Variants in LEMD3 observed in about 807,000 individuals in gnomAD.
The protein encoded by LEMD3 is LEM domain containing 3.
LEMD3 carries 33 observed loss-of-function variants against 95.2 expected under a neutral mutation model. That is an observed-to-expected ratio of 0.35 (90% CI 0.26 to 0.46). The LOEUF (loss-of-function observed/expected upper bound fraction) is 0.46. Ranked by LOEUF, LEMD3 falls within the 20% of genes least tolerant of loss-of-function variation. LEMD3 has a pLI of 1.00. For missense variants in LEMD3, 1,210 were observed against 1,192.8 expected (o/e 1.01, Z -0.21); for synonymous variants, 525 against 474.6 (o/e 1.11, Z -1.38).
At chr12:65,189,152 T>TA (rs1869159911) in intron 1 of LEMD3, among the ~76,000 whole-genome samples, 1 of 152,208 alleles carries the variant, frequency 6.6e-6, no homozygotes, top group African/African-American at 2.4e-5. Context: ...GTTATGCGAA[T>TA]ATGGTCTCTC....
chr12:65,200,416 T>G (rs1400253722), intron 1 of LEMD3, among the ~76,000 whole-genome samples: 1 of 152,166 alleles, frequency 6.6e-6, no homozygotes, highest in Non-Finnish European at 1.5e-5. Context: ...TTGCTTTGTG[T>G]GTTTTGTCCA....
intron 1 of LEMD3, among the ~76,000 whole-genome samples, chr12:65,192,504 T>G (rs985663555): frequency 6.6e-6 from 1 of 152,170 alleles, no homozygotes; most frequent in Non-Finnish European, 1.5e-5. Context: ...ACTTTTTCCC[T>G]TAACAAAAAC....
intron 4 of LEMD3, 107 bp downstream of exon 4, chr12:65,218,726 G>A: frequency 1.6e-6 from 1 of 632,140 alleles, no homozygotes; most frequent in Non-Finnish European, 2.8e-6. Flanking sequence ...ACTGTTAAAA[G>A]CTTGGGCCTG....
At position 65,240,818 on chromosome 12, in the gene LEMD3, A is replaced by T. The variant is rs934147351; in HGVS notation, c.2127-91A>T. 6.3e-6 allele frequency: 7 copies of T among 1,111,670 alleles called. No homozygotes were observed. The East Asian group carries it at 1.7e-4, about 27-fold the overall frequency. The allele number at this position is 1,111,670 out of a possible 1,614,324, so 68.9% of individuals were successfully genotyped here. On this transcript the variant is annotated intron_variant, in intron 8 of 12. Coordinates refer to ENST00000308330, the MANE Select transcript of LEMD3 (RefSeq NM_014319.5). Reference sequence around the variant, plus strand: ...AAACTCCATGAGTAGTGGTAAGAACAGCTAGAGTTAACTATTACCTCAGAT... The same window carrying T: ...AAACTCCATGAGTAGTGGTAAGAACTGCTAGAGTTAACTATTACCTCAGAT...
At position 65,169,926 on chromosome 12, in the gene LEMD3, C is replaced by T. The variant is rs534560505; in HGVS notation, c.330C>T (p.Ile110=). The change falls in exon 1 of 13, where the codon ATC becomes ATT. Residue 110 remains isoleucine, a synonymous_variant. Transcript: ENST00000308330. ...GGACTCCTGGGGGCCTGTGCCGAAT[C>T]TCGGCCTCTGGCCCAGAGAGCCTCC... ...YLRTPGGLCR[I]SASGPESLLG... The T allele has an allele frequency of 2.8e-6, 4 of 1,448,710 alleles. No homozygotes were observed. In the Admixed American group the frequency reaches 8.9e-5, roughly 32 times the overall value. 89.7% of individuals were successfully genotyped at this position (1,448,710 alleles called of 1,614,324 possible). A position where few individuals can be genotyped will look rare whatever the true frequency, so the allele number is the denominator to read the frequency against.
chr12:65,224,308 G>T (rs954795879), intron 4 of LEMD3, among the ~76,000 whole-genome samples: 1 of 151,984 alleles, frequency 6.6e-6, no homozygotes, highest in South Asian at 2.1e-4. Flanking sequence ...TAACTCCCTT[G>T]GCTTTTATTC....
At chr12:65,205,765 A>G (rs1374471627) in intron 1 of LEMD3, among the ~76,000 whole-genome samples, 2 of 152,120 alleles carry the variant, frequency 1.3e-5, no homozygotes, top group Admixed American at 1.3e-4. Context: ...TGGGATTACA[A>G]TTGAAAGGTT....
At chr12:65,245,978 G>A (rs1019166223) in intron 12 of LEMD3, 39 bp downstream of exon 12, 28 of 1,481,686 alleles carry the variant, frequency 1.9e-5, no homozygotes, top group African/African-American at 5.6e-5. Context: ...TGAAAAGATA[G>A]TTATAGTTTA....
At chr12:65,225,643 C>T (rs1285103606) in intron 4 of LEMD3, among the ~76,000 whole-genome samples, 2 of 152,110 alleles carry the variant, frequency 1.3e-5, no homozygotes, top group African/African-American at 2.4e-5. Flanking sequence ...TGCAGTGGCA[C>T]GATCTCAGCT....
At chr12:65,171,208 T>G in intron 1 of LEMD3, 90 bp downstream of exon 1, 1 of 1,585,066 alleles carries the variant, frequency 6.3e-7, no homozygotes, top group Non-Finnish European at 8.5e-7. Flanking sequence ...TGAAGTGACT[T>G]ACCTGCAAGA....
At chr12:65,218,769 G>C in intron 4 of LEMD3, 150 bp downstream of exon 4, 1 of 314,214 alleles carries the variant, frequency 3.2e-6, no homozygotes, top group East Asian at 7.9e-5. Context: ...TTATGAGAAA[G>C]TAAAATTGTT....
At chr12:65,203,947 T>C (rs571039388) in intron 1 of LEMD3, among the ~76,000 whole-genome samples, 13 of 152,196 alleles carry the variant, frequency 8.5e-5, no homozygotes, top group Non-Finnish European at 1.8e-4. Context: ...TTAATACAGC[T>C]ACTCTTACTT....
chr12:65,182,307 C>T (rs184991901), intron 1 of LEMD3, among the ~76,000 whole-genome samples: 6 of 152,204 alleles, frequency 3.9e-5, no homozygotes, highest in Admixed American at 3.9e-4. Flanking sequence ...AACTTTACTT[C>T]CAGCCAGTGA....
At chr12:65,197,844 A>AT (rs1304036085) in intron 1 of LEMD3, among the ~76,000 whole-genome samples, 3 of 152,134 alleles carry the variant, frequency 2.0e-5, no homozygotes, top group Non-Finnish European at 2.9e-5. Context: ...AACTACTACT[A>AT]TTTAAGTCTT....
intron 1 of LEMD3, among the ~76,000 whole-genome samples, chr12:65,178,748 A>G (rs1592429965): frequency 6.6e-6 from 1 of 152,210 alleles, no homozygotes; most frequent in Non-Finnish European, 1.5e-5. Context: ...TCATGTAGCT[A>G]GTAAGTGAAG....
intron 6 of LEMD3, among the ~76,000 whole-genome samples, chr12:65,239,583 TTAAAG>T: frequency 6.6e-6 from 1 of 152,242 alleles, no homozygotes; most frequent in East Asian, 1.9e-4. Flanking sequence ...TTCATTTTAC[TTAAAG>T]TAAGATTTAG....
chr12:65,241,631 A>T (rs1228348835), intron 9 of LEMD3, among the ~76,000 whole-genome samples: 2 of 152,140 alleles, frequency 1.3e-5, no homozygotes, highest in African/African-American at 4.8e-5. Context: ...GGGTAAGTTT[A>T]TAGGGGGTTT....
intron 8 of LEMD3, 60 bp from the exon 9 acceptor site, chr12:65,240,849 T>C: frequency 2.8e-6 from 4 of 1,443,538 alleles, no homozygotes; most frequent in Non-Finnish European, 3.9e-6. Flanking sequence ...CAGATACTAA[T>C]ATTTCAAAAA....
In LEMD3 at chr12:65,247,632, T is replaced by C. The variant is rs1211425715; in HGVS notation, c.*1307T>C. 1 of 152,452 alleles carries C rather than the reference T, an allele frequency of 6.6e-6. No individual in the cohort carries two copies. Among genetic ancestry groups the C allele is most frequent in the East Asian group, 1.9e-4 (1 of 5,198 alleles). The allele number at this position is 152,452 out of a possible 1,614,324, so 9.4% of individuals were successfully genotyped here. The stretch of plus-strand genomic sequence containing the variant: ...AAAATAACCTGTTGATATATAATTG[T>C]CAGTCCAAATGAATATGTGAAACAG... On this transcript the variant is annotated 3_prime_UTR_variant, in exon 13 of 13. Transcript: ENST00000308330.
Sources: gnomAD v4.1 joint callset for allele counts (sites outside exome capture counted in the v4.1 genomes callset) on GRCh38, gnomAD v4.1.1 for gene constraint, MANE v1.5 for transcripts, NCBI Gene and HGNC (gene_info 2026-07-23, HGNC 2026-07-21) for gene names.